The following NT5C2 variants were observed in gnomAD, a reference collection of about 807,000 sequenced individuals.
NT5C2 encodes the protein cytosolic purine 5'-nucleotidase.
In NT5C2, 58 loss-of-function variants were observed where a neutral mutation model predicts 76.1. That is an observed-to-expected ratio of 0.76 (90% CI 0.62 to 0.95). NT5C2 has a LOEUF of 0.95. Among genes scored for constraint, NT5C2 ranks in the 40% least tolerant of loss-of-function variants. The pLI is 0.00. For missense variants in NT5C2, 478 were observed against 690.3 expected, an observed-to-expected ratio of 0.69 and a Z score of 3.45; for synonymous variants, 229 against 237.4, an observed-to-expected ratio of 0.96 and a Z score of 0.32.
At chr10:103,107,332 A>G (rs1038071234) in intron 4 of NT5C2, among the ~76,000 whole-genome samples, 1 of 152,230 alleles carries the variant, frequency 6.6e-6, no homozygotes, top group African/African-American at 2.4e-5. Flanking sequence ...AACCATAAAA[A>G]GACATGTTTG....
intron 4 of NT5C2, among the ~76,000 whole-genome samples, chr10:103,126,210 C>A (rs1035201404): frequency 6.6e-6 from 1 of 152,138 alleles, no homozygotes; most frequent in Non-Finnish European, 1.5e-5. Flanking sequence ...AACACATACC[C>A]GCAGAGGAAG....
chr10:103,090,858 T>C, intron 17 of NT5C2, 71 bp from the exon 18 acceptor site: 1 of 1,592,178 alleles, frequency 6.3e-7, no homozygotes, highest in South Asian at 1.1e-5. Context: ...TGAATGCTAG[T>C]CTCTATAATA....
intron 3 of NT5C2, among the ~76,000 whole-genome samples, chr10:103,163,804 G>A (rs1464436319): frequency 1.4e-5 from 2 of 147,900 alleles, no homozygotes; most frequent in African/African-American, 2.5e-5. Flanking sequence ...ATCACTTGAG[G>A]TCAGGAGTTC....
Position 103,174,975 on chromosome 10 carries a change from T to A in NT5C2, c.-17A>T. 6.6e-7 allele frequency: 1 copy of A among 1,508,654 alleles called. No homozygotes were observed. The highest frequency in any genetic ancestry group is 9.2e-7 in the Non-Finnish European group (1 of 1,084,458). 93.5% of individuals were successfully genotyped at this position (1,508,654 alleles called of 1,614,324 possible). A position where few individuals can be genotyped will look rare whatever the true frequency, so the allele number is the denominator to read the frequency against. On this transcript the variant is annotated 5_prime_UTR_variant, in exon 3 of 19. Coordinates refer to ENST00000404739, the MANE Select transcript of NT5C2 (RefSeq NM_001351169.2). ...GGTTGACATTTTATTTTAACTGTAT[T>A]TTGTATTCTAGAAAAGAAAATCATT...
chr10:103,129,476 G>A (rs1213297588), intron 4 of NT5C2, among the ~76,000 whole-genome samples: 2 of 115,956 alleles, frequency 1.7e-5, no homozygotes, highest in Non-Finnish European at 3.8e-5. Context: ...GAGGGAGATG[G>A]GGGGGTCAGC....
chr10:103,177,671 A>G (rs1009888403), intron 2 of NT5C2, among the ~76,000 whole-genome samples: 2 of 152,168 alleles, frequency 1.3e-5, no homozygotes, highest in African/African-American at 4.8e-5. Context: ...ACAGGTACTC[A>G]CTACAAAACC....
chr10:103,192,305 G>A (rs1375090749), intron 1 of NT5C2, among the ~76,000 whole-genome samples: 1 of 152,104 alleles, frequency 6.6e-6, no homozygotes, highest in Non-Finnish European at 1.5e-5. Context: ...ATGGTGACTA[G>A]TCATTTCGGG....
chr10:103,096,004 G>A, intron 11 of NT5C2, 24 bp from the exon 12 acceptor site: 1 of 1,590,854 alleles, frequency 6.3e-7, no homozygotes, highest in Non-Finnish European at 8.6e-7. Context: ...TTTAACATAA[G>A]GTCCATATAC....
chr10:103,101,886 G>C (rs1428864512), intron 6 of NT5C2, among the ~76,000 whole-genome samples: 4 of 152,136 alleles, frequency 2.6e-5, no homozygotes, highest in African/African-American at 9.7e-5. Flanking sequence ...TAAAGGCTAG[G>C]TGGACCAGTT....
chr10:103,149,492 G>C (rs1472789545), intron 3 of NT5C2, among the ~76,000 whole-genome samples: 1 of 152,106 alleles, frequency 6.6e-6, no homozygotes, highest in Admixed American at 6.6e-5. Context: ...ACAAGTTACG[G>C]GAGAAACCAG....
chr10:103,169,546 G>A (rs2087298193), intron 3 of NT5C2: 3 of 152,210 alleles, frequency 2.0e-5, no homozygotes, highest in Admixed American at 2.0e-4. Flanking sequence ...TTGACCCCAG[G>A]AAGTTAAGGC....
chr10:103,127,719 T>G (rs955356459), intron 4 of NT5C2, among the ~76,000 whole-genome samples: 2 of 152,230 alleles, frequency 1.3e-5, no homozygotes, highest in Non-Finnish European at 2.9e-5. Context: ...TATCATTAAC[T>G]TTTGAAAAAT....
chr10:103,183,289 A>AT, intron 1 of NT5C2, among the ~76,000 whole-genome samples: 1 of 115,270 alleles, frequency 8.7e-6, no homozygotes, highest in South Asian at 3.2e-4. Flanking sequence ...ATATATATAT[A>AT]TATATCACAC....
chr10:103,124,654 C>G (rs1163289028), intron 4 of NT5C2, among the ~76,000 whole-genome samples: 1 of 151,950 alleles, frequency 6.6e-6, no homozygotes, highest in Non-Finnish European at 1.5e-5. Flanking sequence ...GCCCCTCCCC[C>G]CACCTTTTAA....
At chr10:103,190,670 C>G (rs1591968298) in intron 1 of NT5C2, among the ~76,000 whole-genome samples, 3 of 152,314 alleles carry the variant, frequency 2.0e-5, no homozygotes, top group Middle Eastern at 3.4e-3. Context: ...ACTACAAAAT[C>G]CGGGCCCTTA....
At chr10:103,169,628 T>A (rs2087336126) in intron 3 of NT5C2, among the ~76,000 whole-genome samples, 1 of 151,580 alleles carries the variant, frequency 6.6e-6, no homozygotes, top group South Asian at 2.1e-4. Flanking sequence ...CAAAAAAAAT[T>A]ATAATAATTT....
intron 15 of NT5C2, among the ~76,000 whole-genome samples, chr10:103,092,433 T>C (rs1008466432): frequency 6.6e-6 from 1 of 152,228 alleles, no homozygotes; most frequent in Admixed American, 6.5e-5. Context: ...ATTTTTACAT[T>C]TGAGGAAACT....
At chr10:103,150,936 G>A (rs1283203911) in intron 3 of NT5C2, among the ~76,000 whole-genome samples, 3 of 152,130 alleles carry the variant, frequency 2.0e-5, no homozygotes, top group Admixed American at 2.0e-4. Context: ...TGTCTTTCAA[G>A]AAACAGGAAT....
At chr10:103,132,344 C>T (rs989166333) in intron 4 of NT5C2, among the ~76,000 whole-genome samples, 11 of 151,680 alleles carry the variant, frequency 7.3e-5, no homozygotes, top group African/African-American at 2.7e-4. Flanking sequence ...ATATGCGATT[C>T]GGGACTGGAT....
Sources: allele counts gnomAD v4.1 joint callset (sites outside exome capture counted in the v4.1 genomes callset), GRCh38; gene constraint gnomAD v4.1.1; transcripts MANE v1.5; gene names NCBI Gene and HGNC (gene_info 2026-07-23, HGNC 2026-07-21).